The following CDH23 variants were observed in gnomAD, a reference collection of about 807,000 sequenced individuals.
The protein encoded by CDH23 is cadherin-23.
A neutral mutation model predicts 317.1 loss-of-function variants in CDH23; 189 were observed. That is an observed-to-expected ratio of 0.60 (90% CI 0.53 to 0.67). The LOEUF (loss-of-function observed/expected upper bound fraction) is 0.67. CDH23 is among the 30% of genes least tolerant of loss of function. CDH23 has a pLI of 0.00. For synonymous variants in CDH23, 1,839 were observed against 1,876.8 expected, an observed-to-expected ratio of 0.98 and a Z score of 0.52; for missense variants, 4,401 against 4,592.4, an observed-to-expected ratio of 0.96 and a Z score of 1.20.
chr10:71,407,936 G>C (rs1848183249), intron 1 of CDH23, among the ~76,000 whole-genome samples: 2 of 152,004 alleles, frequency 1.3e-5, no homozygotes, highest in Admixed American at 1.3e-4. Context: ...CAGTGAGTAG[G>C]GGTCTCTCAT....
intron 11 of CDH23, among the ~76,000 whole-genome samples, chr10:71,643,590 G>A (rs934521515): frequency 6.0e-5 from 9 of 151,156 alleles, no homozygotes; most frequent in South Asian, 2.1e-4. Context: ...CCTTCATGCC[G>A]TTGAGCCTCT....
intron 3 of CDH23, among the ~76,000 whole-genome samples, chr10:71,453,357 C>A (rs962893806): frequency 1.3e-5 from 2 of 152,230 alleles, no homozygotes; most frequent in Non-Finnish European, 2.9e-5. Flanking sequence ...GACCCCGCAT[C>A]GGCAGTCTCT....
Position 71,693,390 on chromosome 10 carries a change from G to T in CDH23, c.2177-757G>T, listed in dbSNP as rs1166706033. Among the ~76,000 whole-genome samples, 7 of 152,050 alleles carry T rather than the reference G, an allele frequency of 4.6e-5. No individual in the cohort carries two copies. In the East Asian group the frequency reaches 1.3e-3, roughly 29 times the overall value. On this transcript the variant is annotated intron_variant, in intron 20 of 69. Transcript: ENST00000224721. ...AAATACAAAGAAAGACCAAATACAG[G>T]CGAACAAGAAATGTTGTTTAATTGT... is the stretch of plus-strand genomic sequence containing the variant.
intron 17 of CDH23, among the ~76,000 whole-genome samples, chr10:71,680,829 C>CTTTTTTTTTTTTTTTTTTTTTTTTTTTT (rs1312991062): frequency 4.3e-5 from 3 of 70,132 alleles, no homozygotes; most frequent in Admixed American, 2.2e-4. Flanking sequence ...TTTTCTTTTT[C>CTTTTTTTTTTTTTTTTTTTTTTTTTTTT]TTTTTTTTTT....
At position 71,815,371 on chromosome 10, in the gene CDH23, C is replaced by G; in HGVS notation, c.*93C>G. ...GGGACAGGGCCGGTCGGGGGGGACC[C>G]TCCAAGGCCAGGCCTTGGGGACAAC... On this transcript the variant is annotated 3_prime_UTR_variant, in exon 70 of 70. Transcript: ENST00000224721. 8.0e-7 allele frequency: 1 copy of G among 1,249,102 alleles called. No individual in the cohort carries two copies. The highest frequency in any genetic ancestry group is 1.1e-6 in the Non-Finnish European group (1 of 922,634). 77.4% of individuals were successfully genotyped at this position (1,249,102 alleles called of 1,614,324 possible). A position where few individuals can be genotyped will look rare whatever the true frequency, so the allele number is the denominator to read the frequency against.
intron 28 of CDH23, chr10:71,713,391 G>A (rs1866071170): frequency 1.4e-6 from 1 of 694,964 alleles, no homozygotes; most frequent in Non-Finnish European, 2.6e-6. Context: ...GGCCCGGAGT[G>A]AATGAGTCTC....
chr10:71,513,550 C>T (rs1004097392), intron 6 of CDH23, among the ~76,000 whole-genome samples: 5 of 152,178 alleles, frequency 3.3e-5, no homozygotes, highest in African/African-American at 1.2e-4. Context: ...GCACTGCAGA[C>T]CCTGTTAGGT....
At chr10:71,794,804 A>G (rs1008444039) in intron 48 of CDH23, among the ~76,000 whole-genome samples, 3 of 152,186 alleles carry the variant, frequency 2.0e-5, no homozygotes, top group Non-Finnish European at 4.4e-5. Flanking sequence ...ATTACCCAGT[A>G]TATGTTCCAG....
At chr10:71,689,169 AGGG>A in intron 19 of CDH23, among the ~76,000 whole-genome samples, 3 of 141,096 alleles carry the variant, frequency 2.1e-5, no homozygotes, top group African/African-American at 7.9e-5. Flanking sequence ...TGGTGGAGTC[AGGG>A]GTGGTAGAGT....
rs974239680 is a variant in CDH23 at position 71,577,900 on chromosome 10, T to A, written c.754-14T>A. On this transcript the variant is annotated splice_polypyrimidine_tract_variant and intron_variant, in intron 8 of 69. Coordinates refer to ENST00000224721, the MANE Select transcript of CDH23 (RefSeq NM_022124.6). ...AGGGGACCCAAACTCAAGTCCCTCC[T>A]CTCTTCTGCCCAGGGCACGACGGTG... 1 of 1,585,044 alleles carries A rather than the reference T, an allele frequency of 6.3e-7. No homozygotes were observed. The highest frequency in any genetic ancestry group is 8.6e-7 in the Non-Finnish European group (1 of 1,165,322).
chr10:71,645,134 G>A (rs1862770624), intron 12 of CDH23, among the ~76,000 whole-genome samples: 1 of 152,198 alleles, frequency 6.6e-6, no homozygotes, highest in African/African-American at 2.4e-5. Flanking sequence ...GCCTGAACTT[G>A]AGTGAGGCAC....
intron 41 of CDH23, among the ~76,000 whole-genome samples, chr10:71,779,698 A>G (rs1840904720): frequency 6.6e-6 from 1 of 152,238 alleles, no homozygotes; most frequent in Non-Finnish European, 1.5e-5. Context: ...AGACTCCTTT[A>G]AGAACATGAT....
intron 11 of CDH23, among the ~76,000 whole-genome samples, chr10:71,641,510 C>G (rs1324632788): frequency 6.6e-6 from 1 of 152,182 alleles, no homozygotes; most frequent in African/African-American, 2.4e-5. Context: ...ATTGATGATT[C>G]TTCTCCACAC....
intron 28 of CDH23, among the ~76,000 whole-genome samples, chr10:71,719,283 G>A (rs573382478): frequency 4.3e-4 from 65 of 152,146 alleles, no homozygotes; most frequent in Non-Finnish European, 5.7e-4. Context: ...TGCCTTGCCC[G>A]GACCAAGGCC....
In CDH23 at chr10:71,663,581, G is replaced by A. The variant is rs573216845; in HGVS notation, c.1450-11531G>A. ...CTGGGTCTTTTTTCTTGCCCCGTGT[G>A]GGAACTGTGACTTCAGGCATGTTGC... On this transcript the variant is annotated intron_variant, in intron 14 of 69. Transcript: ENST00000224721. 2.7e-4 allele frequency among the ~76,000 whole-genome samples: 41 copies of A among 152,310 alleles called. No individual in the cohort carries two copies. The South Asian group carries it at 8.5e-3, about 32-fold the overall frequency.
In CDH23 at chr10:71,770,390, C is replaced by G. The variant is rs1840659231; in HGVS notation, c.4846-7290C>G. 2.6e-5 allele frequency among the ~76,000 whole-genome samples: 4 copies of G among 152,302 alleles called. No homozygotes were observed. In the South Asian group the frequency reaches 8.3e-4, roughly 32 times the overall value. On this transcript the variant is annotated intron_variant, in intron 38 of 69. Coordinates refer to ENST00000224721, the MANE Select transcript of CDH23 (RefSeq NM_022124.6). ...GTAAATGGCCATCTTGGGATTTAAG[C>G]CTAGGTCTGAGTGACTCACAAAGCC...
At chr10:71,453,966 A>C (rs1456901144) in intron 3 of CDH23, among the ~76,000 whole-genome samples, 1 of 152,222 alleles carries the variant, frequency 6.6e-6, no homozygotes, top group Non-Finnish European at 1.5e-5. Flanking sequence ...AGACAATAAT[A>C]AGTGCCCAGG....
chr10:71,752,219 C>T (rs1335140001), intron 38 of CDH23, among the ~76,000 whole-genome samples: 2 of 152,162 alleles, frequency 1.3e-5, no homozygotes, highest in Non-Finnish European at 2.9e-5. Flanking sequence ...GAGTTGATGG[C>T]ATTAGGATCG....
intron 46 of CDH23, 141 bp downstream of exon 46, chr10:71,790,554 T>G: frequency 8.7e-7 from 1 of 1,150,846 alleles, no homozygotes; most frequent in Non-Finnish European, 1.2e-6. Flanking sequence ...AGAGTCCCCA[T>G]CTTGCAGCTG....
Sources: gnomAD v4.1 joint callset for allele counts (sites outside exome capture counted in the v4.1 genomes callset) on GRCh38, gnomAD v4.1.1 for gene constraint, MANE v1.5 for transcripts, NCBI Gene and HGNC (gene_info 2026-07-23, HGNC 2026-07-21) for gene names.